Variants in MAGI1 observed in about 807,000 individuals in gnomAD.
MAGI1 encodes the protein membrane associated guanylate kinase, WW and PDZ domain containing 1, also known as membrane-associated guanylate kinase, WW and PDZ domain-containing protein 1.
In MAGI1, 58 loss-of-function variants were observed where a neutral mutation model predicts 139.9. The observed-to-expected ratio is 0.41, with a 90% CI of 0.34 to 0.52. The LOEUF (loss-of-function observed/expected upper bound fraction) is 0.52, where lower values mean the gene tolerates loss of function less well. Among genes scored for constraint, MAGI1 ranks in the 20% least tolerant of loss-of-function variants. MAGI1 has a pLI of 0.12. For missense variants in MAGI1, 1,874 were observed against 1,901.6 expected, an observed-to-expected ratio of 0.99 and a Z score of 0.27; for synonymous variants, 812 against 737.9, an observed-to-expected ratio of 1.10 and a Z score of -1.63.
At chr3:65,941,237 C>T (rs2063299406) in intron 1 of MAGI1, among the ~76,000 whole-genome samples, 4 of 151,926 alleles carry the variant, frequency 2.6e-5, no homozygotes, top group Admixed American at 2.6e-4. Flanking sequence ...ATCCCAGCTA[C>T]TTGGGAGGCT....
intron 18 of MAGI1, among the ~76,000 whole-genome samples, chr3:65,374,455 C>G (rs1942308274): frequency 6.6e-6 from 1 of 151,510 alleles, no homozygotes; most frequent in African/African-American, 2.4e-5. Flanking sequence ...GTAGCTGGGA[C>G]TACAGGCATG....
At chr3:65,900,995 TACCTACAGAAAAACCTGATAA>T (rs2061206679) in intron 1 of MAGI1, among the ~76,000 whole-genome samples, 1 of 152,114 alleles carries the variant, frequency 6.6e-6, no homozygotes, top group Non-Finnish European at 1.5e-5. Flanking sequence ...AAATGAAAAA[TACCTACAGAAAAACCTGATAA>T]GGTTCAAAGT....
chr3:65,758,561 G>A (rs264095), intron 1 of MAGI1, among the ~76,000 whole-genome samples: 81,428 of 151,788 alleles, frequency 0.54, 22,454 homozygotes, highest in Middle Eastern at 0.69. Flanking sequence ...CCAAAGCAGC[G>A]GTTCTCAACT....
At chr3:65,887,025 A>G (rs1366371960) in intron 1 of MAGI1, among the ~76,000 whole-genome samples, 3 of 152,232 alleles carry the variant, frequency 2.0e-5, no homozygotes, top group Non-Finnish European at 4.4e-5. Context: ...GTGCAAACTC[A>G]TAAAATACAA....
intron 1 of MAGI1, among the ~76,000 whole-genome samples, chr3:65,882,934 CA>C (rs10574443): frequency 0.23 from 19,762 of 86,716 alleles, 1,256 homozygotes; most frequent in Middle Eastern, 0.31. Flanking sequence ...GACCCTGTCT[CA>C]AAAAAAAAAA....
At chr3:65,544,976 A>G (rs190768967) in intron 2 of MAGI1, among the ~76,000 whole-genome samples, 1 of 152,306 alleles carries the variant, frequency 6.6e-6, no homozygotes, top group East Asian at 1.9e-4. Context: ...CATTTATATC[A>G]ATCTCATCTA....
At chr3:65,922,672 A>G (rs1191297003) in intron 1 of MAGI1, among the ~76,000 whole-genome samples, 2 of 152,202 alleles carry the variant, frequency 1.3e-5, no homozygotes, top group African/African-American at 2.4e-5. Flanking sequence ...GTGATATTTT[A>G]TTACAGCAGC....
chr3:65,552,588 C>T lies in MAGI1; in HGVS notation c.431-58957G>A, dbSNP rs1035271732. Reference sequence around the variant, plus strand: ...GACTATGGGTAAATGCAACTGGGGACAAGAAAATGAGGGCTTGGTGGTGAT... The same window carrying T: ...GACTATGGGTAAATGCAACTGGGGATAAGAAAATGAGGGCTTGGTGGTGAT... On this transcript the variant is annotated intron_variant, in intron 2 of 22. Transcript: ENST00000402939. 2.6e-5 allele frequency among the ~76,000 whole-genome samples: 4 copies of T among 152,186 alleles called. No individual in the cohort carries two copies. In the South Asian group the frequency reaches 8.3e-4, roughly 32 times the overall value.
rs750068803 is a variant in MAGI1, at chr3:65,644,416, C to CA, written c.314-22329dup. The stretch of plus-strand genomic sequence containing the variant: ...AACAAAGAAGTATAAAACCTCAGCC[C>CA]AAAAAAAAAAAAAAAAACCCAGAAG... On this transcript the variant is annotated intron_variant, in intron 1 of 22. Transcript: ENST00000402939. 4.8e-3 allele frequency among the ~76,000 whole-genome samples: 498 copies of CA among 102,804 alleles called. 1 individual carries two copies. The highest frequency in any genetic ancestry group is 0.02 in the East Asian group (68 of 3,418). The allele number at this position is 102,804 out of a possible 152,430, so 67.4% of individuals were successfully genotyped here.
intron 1 of MAGI1, among the ~76,000 whole-genome samples, chr3:65,907,157 G>A (rs1317346723): frequency 6.6e-6 from 1 of 151,990 alleles, no homozygotes; most frequent in Admixed American, 6.6e-5. Flanking sequence ...CCTAAGGAGA[G>A]CCCTTAATTA....
chr3:65,509,869 A>C (rs528324053), intron 2 of MAGI1, among the ~76,000 whole-genome samples: 1 of 152,294 alleles, frequency 6.6e-6, no homozygotes, highest in Non-Finnish European at 1.5e-5. Flanking sequence ...ACAAACAAAA[A>C]GACAGCAGTA....
intron 1 of MAGI1, among the ~76,000 whole-genome samples, chr3:65,933,220 T>C (rs1390015511): frequency 1.3e-5 from 2 of 152,158 alleles, no homozygotes; most frequent in Non-Finnish European, 2.9e-5. Flanking sequence ...CCTAAAACAA[T>C]AAGCATTTAT....
chr3:65,360,633 T>C, intron 22 of MAGI1: 1 of 985,816 alleles, frequency 1.0e-6, no homozygotes, highest in East Asian at 1.1e-4. Flanking sequence ...TTTTGTTTGT[T>C]TGTTTGATAG....
chr3:65,849,786 G>A (rs1456029435), intron 1 of MAGI1, among the ~76,000 whole-genome samples: 1 of 152,088 alleles, frequency 6.6e-6, no homozygotes, highest in African/African-American at 2.4e-5. Context: ...TCTAACGAAG[G>A]AAGAACATTA....
intron 1 of MAGI1, among the ~76,000 whole-genome samples, chr3:65,665,180 C>G (rs781300120): frequency 6.6e-6 from 1 of 152,144 alleles, no homozygotes; most frequent in Non-Finnish European, 1.5e-5. Context: ...AACTTACCAG[C>G]CTTACAGAGA....
At chr3:65,954,945 C>A (rs1375409378) in intron 1 of MAGI1, among the ~76,000 whole-genome samples, 2 of 152,124 alleles carry the variant, frequency 1.3e-5, no homozygotes, top group East Asian at 3.9e-4. Flanking sequence ...ACAACTGTTA[C>A]CTCCACTGAG....
chr3:65,781,677 C>T (rs1479743924), intron 1 of MAGI1, among the ~76,000 whole-genome samples: 1 of 152,224 alleles, frequency 6.6e-6, no homozygotes, highest in Non-Finnish European at 1.5e-5. Flanking sequence ...CAGTTTTCAT[C>T]TCATGGCTGA....
chr3:65,699,900 TAAAAA>T (rs1269448349), intron 1 of MAGI1, among the ~76,000 whole-genome samples: 39 of 141,554 alleles, frequency 2.8e-4, no homozygotes, highest in Non-Finnish European at 2.9e-4. Context: ...ATTAAAAAAA[TAAAAA>T]AAAAAAGAAA....
At chr3:65,839,265 A>G (rs1052036000) in intron 1 of MAGI1, among the ~76,000 whole-genome samples, 1 of 152,230 alleles carries the variant, frequency 6.6e-6, no homozygotes, top group Non-Finnish European at 1.5e-5. Flanking sequence ...ATGTAAAAAA[A>G]ACCTACTGTG....
Sources: allele counts gnomAD v4.1 joint callset (sites outside exome capture counted in the v4.1 genomes callset), GRCh38; gene constraint gnomAD v4.1.1; transcripts MANE v1.5; gene names NCBI Gene and HGNC (gene_info 2026-07-23, HGNC 2026-07-21).